KSR2: variants seen among roughly 807,000 people sequenced by gnomAD.
KSR2 encodes the protein kinase suppressor of ras 2.
A neutral mutation model predicts 107.8 loss-of-function variants in KSR2; 25 were observed. The ratio of observed to expected loss-of-function variants is 0.23; its 90% CI spans 0.17 to 0.32. KSR2 has a LOEUF of 0.32. Among genes scored for constraint, KSR2 ranks in the 10% least tolerant of loss-of-function variants. The probability of loss-of-function intolerance (pLI) is 1.00; values close to 1 mark genes in which losing one functional copy is unlikely to be tolerated. For synonymous variants in KSR2, 480 were observed against 507.0 expected (o/e 0.95, Z 0.71); for missense variants, 887 against 1,268.9 (o/e 0.70, Z 4.57).
At chr12:117,886,207 G>A (rs1205613357) in intron 1 of KSR2, among the ~76,000 whole-genome samples, 1 of 149,540 alleles carries the variant, frequency 6.7e-6, no homozygotes, top group African/African-American at 2.4e-5. Flanking sequence ...AATACATATA[G>A]GTATATATAA....
At chr12:117,563,811 G>T (rs558503139) in intron 7 of KSR2, among the ~76,000 whole-genome samples, 4 of 152,122 alleles carry the variant, frequency 2.6e-5, no homozygotes, top group African/African-American at 9.6e-5. Context: ...CCAGAGGCAT[G>T]CTCATTTTAG....
chr12:117,613,259 CA>C, intron 5 of KSR2, among the ~76,000 whole-genome samples: 1 of 152,224 alleles, frequency 6.6e-6, no homozygotes, highest in Non-Finnish European at 1.5e-5. Context: ...GCTCTATATG[CA>C]CATACATTTT....
chr12:117,856,623 C>T (rs916454528), intron 2 of KSR2, among the ~76,000 whole-genome samples: 1 of 152,122 alleles, frequency 6.6e-6, no homozygotes, highest in Admixed American at 6.6e-5. Flanking sequence ...ATTACAGCCA[C>T]TCACCACCAC....
At chr12:117,647,877 C>G (rs1428107425) in intron 5 of KSR2, among the ~76,000 whole-genome samples, 2 of 151,968 alleles carry the variant, frequency 1.3e-5, no homozygotes, top group Non-Finnish European at 2.9e-5. Flanking sequence ...GCTTTTTTAC[C>G]TTTATTTTTT....
intron 4 of KSR2, among the ~76,000 whole-genome samples, chr12:117,693,569 A>G (rs1417049655): frequency 6.6e-6 from 1 of 152,232 alleles, no homozygotes; most frequent in Non-Finnish European, 1.5e-5. Context: ...GTAATAGACA[A>G]TAGTCATGTC....
At chr12:117,481,685 A>G (rs539381171) in intron 16 of KSR2, among the ~76,000 whole-genome samples, 25 of 152,226 alleles carry the variant, frequency 1.6e-4, no homozygotes, top group Non-Finnish European at 2.9e-4. Flanking sequence ...TGGCTGAGTG[A>G]GTAATGAATG....
Position 117,761,096 on chromosome 12 carries a change from AG to A in KSR2, c.900del (p.Leu301Ter). 1 of 1,613,596 alleles carries A rather than the reference AG, an allele frequency of 6.2e-7. No homozygotes were observed. Among genetic ancestry groups the A allele is most frequent in the Non-Finnish European group, 8.5e-7 (1 of 1,179,702 alleles). On this transcript the variant is annotated frameshift_variant, in exon 4 of 20. Coordinates refer to ENST00000339824, the MANE Select transcript of KSR2 (RefSeq NM_173598.6). LOFTEE classifies it high-confidence loss of function. ...TPPPSSRKLI[H>X]LIPGFTALHR... ...TGCAGCGCGGTGAATCCCGGGATCA[AG>A]TGTATCAGTTTTCGGGAGGAGGGCG...
chr12:117,466,397 C>G lies in KSR2; in HGVS notation c.*802G>C, dbSNP rs2137105405. 1 of 152,238 alleles carries G rather than the reference C, an allele frequency of 6.6e-6. No homozygotes were observed. The allele number at this position is 152,238 out of a possible 1,614,324, so 9.4% of individuals were successfully genotyped here. A position where few individuals can be genotyped will look rare whatever the true frequency, so the allele number is the denominator to read the frequency against. On this transcript the variant is annotated 3_prime_UTR_variant, in exon 20 of 20. Transcript: ENST00000339824. ...GCCCCTCAGAAGTCATCTTGGCTTT[C>G]CAAATGGCAAGGAGGTGCGGGCAGT...
intron 1 of KSR2, among the ~76,000 whole-genome samples, chr12:117,909,945 C>A (rs1164657293): frequency 1.3e-5 from 2 of 151,448 alleles, no homozygotes; most frequent in East Asian, 3.9e-4. Context: ...AAGGCAAGGG[C>A]ATGGTGGCAT....
At chr12:117,702,333 G>T (rs1886362533) in intron 4 of KSR2, among the ~76,000 whole-genome samples, 1 of 152,036 alleles carries the variant, frequency 6.6e-6, no homozygotes, top group Non-Finnish European at 1.5e-5. Context: ...GTTCCACGAG[G>T]GTGGGGACCA....
intron 1 of KSR2, among the ~76,000 whole-genome samples, chr12:117,947,030 G>T (rs192500885): frequency 6.6e-6 from 1 of 151,618 alleles, no homozygotes; most frequent in Non-Finnish European, 1.5e-5. Flanking sequence ...TTAGCTGGGT[G>T]TGGTGGTGCA....
At chr12:117,496,835 T>C (rs1246510515) in intron 14 of KSR2, among the ~76,000 whole-genome samples, 1 of 151,686 alleles carries the variant, frequency 6.6e-6, no homozygotes, top group Non-Finnish European at 1.5e-5. Context: ...AGGTATCAAA[T>C]ACTAGCACTG....
intron 1 of KSR2, among the ~76,000 whole-genome samples, chr12:117,919,202 A>G (rs1057029807): frequency 1.3e-5 from 2 of 152,236 alleles, no homozygotes; most frequent in Non-Finnish European, 2.9e-5. Context: ...TGTTCTTGCC[A>G]CTGCTTGGAA....
chr12:117,652,494 C>T (rs1474237553), intron 5 of KSR2, among the ~76,000 whole-genome samples: 4 of 152,214 alleles, frequency 2.6e-5, no homozygotes, highest in Non-Finnish European at 5.9e-5. Flanking sequence ...ATTATAAAAA[C>T]AGAGAATCAC....
chr12:117,574,300 A>G (rs1286253290), intron 7 of KSR2, among the ~76,000 whole-genome samples: 1 of 152,124 alleles, frequency 6.6e-6, no homozygotes, highest in Non-Finnish European at 1.5e-5. Flanking sequence ...AAATTTGGAG[A>G]TCACCTAGAG....
chr12:117,515,982 C>A lies in KSR2; in HGVS notation c.2219+8870G>T, dbSNP rs78404563. ...GAGGAGACAGAGATGGGAGAAGCTG[C>A]ACAGTGGGAACAATTTTGGGTTGGC... On this transcript the variant is annotated intron_variant, in intron 14 of 19. Coordinates refer to ENST00000339824, the MANE Select transcript of KSR2 (RefSeq NM_173598.6). 7.5e-3 allele frequency among the ~76,000 whole-genome samples: 1,137 copies of A among 152,234 alleles called. 14 individuals carry two copies. The highest frequency in any genetic ancestry group is 0.026 in the African/African-American group (1,070 of 41,550).
chr12:117,759,833 C>T (rs944640311), intron 4 of KSR2, among the ~76,000 whole-genome samples: 1 of 152,226 alleles, frequency 6.6e-6, no homozygotes, highest in Non-Finnish European at 1.5e-5. Flanking sequence ...CCAGGTCGGG[C>T]ATGATGGCTC....
At chr12:117,704,954 G>A (rs1886464208) in intron 4 of KSR2, among the ~76,000 whole-genome samples, 1 of 152,058 alleles carries the variant, frequency 6.6e-6, no homozygotes. Context: ...CGACAAGGTG[G>A]GAAGGACTCA....
chr12:117,905,589 A>G (rs1894817400), intron 1 of KSR2, among the ~76,000 whole-genome samples: 1 of 152,090 alleles, frequency 6.6e-6, no homozygotes, highest in South Asian at 2.1e-4. Context: ...TTCCACAGCT[A>G]TGGTATACAA....
Sources: allele counts gnomAD v4.1 joint callset (sites outside exome capture counted in the v4.1 genomes callset), GRCh38; gene constraint gnomAD v4.1.1; transcripts MANE v1.5; gene names NCBI Gene and HGNC (gene_info 2026-07-23, HGNC 2026-07-21).